Variants in PATJ observed in about 807,000 individuals in gnomAD.
PATJ encodes the protein PATJ crumbs cell polarity complex component, also known as inaD-like protein.
A neutral mutation model predicts 224.9 loss-of-function variants in PATJ; 190 were observed. The ratio of observed to expected loss-of-function variants is 0.84; its 90% CI spans 0.75 to 0.95. PATJ has a LOEUF of 0.95. PATJ is among the 40% of genes least tolerant of loss of function. The pLI, the probability that PATJ is intolerant of heterozygous loss-of-function variation, is 0.00. For synonymous variants in PATJ, 769 were observed against 820.3 expected, an observed-to-expected ratio of 0.94 and a Z score of 1.07; for missense variants, 2,121 against 2,270.3, an observed-to-expected ratio of 0.93 and a Z score of 1.34.
intron 25 of PATJ, among the ~76,000 whole-genome samples, 161 bp downstream of exon 25, chr1:61,908,643 C>A (rs1376556959): frequency 6.6e-6 from 1 of 151,974 alleles, no homozygotes; most frequent in Non-Finnish European, 1.5e-5. Context: ...TCCCTTTTTT[C>A]CCCTCCAGTT....
chr1:62,079,210 T>G (rs1214559556), intron 31 of PATJ, among the ~76,000 whole-genome samples: 2 of 152,154 alleles, frequency 1.3e-5, no homozygotes, highest in African/African-American at 4.8e-5. Flanking sequence ...TCTTCAGCTT[T>G]TATCTTTCCT....
intron 33 of PATJ, among the ~76,000 whole-genome samples, chr1:62,085,914 A>C (rs1659911115): frequency 6.6e-6 from 1 of 151,382 alleles, no homozygotes; most frequent in African/African-American, 2.4e-5. Flanking sequence ...ATCTACTCAT[A>C]ATTTTTTTTA....
At chr1:61,947,618 T>C (rs1678947044) in intron 27 of PATJ, among the ~76,000 whole-genome samples, 1 of 152,066 alleles carries the variant, frequency 6.6e-6, no homozygotes, top group Admixed American at 6.6e-5. Flanking sequence ...AGAATCAATA[T>C]CACGGAAATG....
chr1:61,783,796 G>C (rs1258964785), intron 7 of PATJ, among the ~76,000 whole-genome samples: 1 of 131,586 alleles, frequency 7.6e-6, no homozygotes, highest in Non-Finnish European at 1.5e-5. Flanking sequence ...TGCTCAGGCT[G>C]GAGTGCAGTG....
At chr1:61,774,412 A>G (rs1570408809) in intron 6 of PATJ, among the ~76,000 whole-genome samples, 1 of 152,348 alleles carries the variant, frequency 6.6e-6, no homozygotes, top group East Asian at 1.9e-4. Context: ...CCTGCTAGTT[A>G]GAGGGGAAAC....
chr1:61,900,444 AAAATCTGCCCTCTGATTAAAG>A (rs1369848789), intron 23 of PATJ, among the ~76,000 whole-genome samples: 2 of 152,208 alleles, frequency 1.3e-5, no homozygotes, highest in Non-Finnish European at 2.9e-5. Flanking sequence ...AGGAGCAGGT[AAAATCTGCCCTCTGATTAAAG>A]AACCACAGAG....
intron 27 of PATJ, among the ~76,000 whole-genome samples, chr1:61,930,072 A>G (rs746139455): frequency 2.6e-5 from 4 of 152,168 alleles, no homozygotes; most frequent in Non-Finnish European, 4.4e-5. Flanking sequence ...GAGCTATAAT[A>G]TTATACATTT....
intron 31 of PATJ, among the ~76,000 whole-genome samples, chr1:62,065,936 G>A (rs368507509): frequency 1.3e-5 from 2 of 152,244 alleles, no homozygotes; most frequent in East Asian, 3.9e-4. Context: ...TGAAGTTTTC[G>A]GTTTTCTGGG....
chr1:61,883,851 T>A, intron 21 of PATJ, among the ~76,000 whole-genome samples: 1 of 78,848 alleles, frequency 1.3e-5, no homozygotes. Flanking sequence ...GTTTATTTGT[T>A]ATTCTGTGGA....
intron 39 of PATJ, among the ~76,000 whole-genome samples, chr1:62,124,122 G>A (rs895021788): frequency 2.6e-5 from 4 of 151,656 alleles, no homozygotes; most frequent in Admixed American, 2.6e-4. Context: ...TCACCGTGTT[G>A]CCCAGGCTGG....
chr1:61,928,397 G>A (rs1675542519), intron 27 of PATJ, among the ~76,000 whole-genome samples: 1 of 152,170 alleles, frequency 6.6e-6, no homozygotes, highest in Non-Finnish European at 1.5e-5. Context: ...TCTTTTGGAG[G>A]TGATGAAATG....
At chr1:62,049,423 T>G (rs921254479) in intron 30 of PATJ, among the ~76,000 whole-genome samples, 1 of 152,214 alleles carries the variant, frequency 6.6e-6, no homozygotes, top group African/African-American at 2.4e-5. Context: ...AATGCTCTCT[T>G]TGCTTTAATT....
intron 27 of PATJ, among the ~76,000 whole-genome samples, chr1:61,930,653 G>T (rs1046613838): frequency 1.3e-5 from 2 of 152,114 alleles, no homozygotes; most frequent in African/African-American, 4.8e-5. Flanking sequence ...GCTCACTGAA[G>T]CCTCAGTTTC....
chr1:61,751,500 G>C (rs916052017), intron 1 of PATJ, among the ~76,000 whole-genome samples: 1 of 151,976 alleles, frequency 6.6e-6, no homozygotes, highest in East Asian at 1.9e-4. Context: ...ATTGTTGCTC[G>C]TTGGAGAAAA....
At chr1:62,022,631 C>T (rs546841660) in intron 29 of PATJ, among the ~76,000 whole-genome samples, 35 of 152,308 alleles carry the variant, frequency 2.3e-4, no homozygotes, top group African/African-American at 5.3e-4. Context: ...CAGCTCTTGT[C>T]GTACCTTCCC....
intron 26 of PATJ, among the ~76,000 whole-genome samples, chr1:61,921,492 C>T (rs1440559027): frequency 6.6e-6 from 1 of 152,086 alleles, no homozygotes; most frequent in Non-Finnish European, 1.5e-5. Flanking sequence ...TTATTGCTTG[C>T]AGAGGTGTTT....
At chr1:61,833,847 A>T in intron 17 of PATJ, 62 bp downstream of exon 17, 1 of 1,486,990 alleles carries the variant, frequency 6.7e-7, no homozygotes, top group South Asian at 1.3e-5. Flanking sequence ...AAGTTATGGG[A>T]AGTAGCAATT....
chr1:61,842,356 G>C (rs116579743), intron 17 of PATJ, among the ~76,000 whole-genome samples: 2 of 152,178 alleles, frequency 1.3e-5, no homozygotes, highest in Non-Finnish European at 2.9e-5. Flanking sequence ...TCTGGAATAC[G>C]AATGTGGCAA....
At chr1:61,895,976 T>C (rs1670308800) in intron 22 of PATJ, among the ~76,000 whole-genome samples, 1 of 151,976 alleles carries the variant, frequency 6.6e-6, no homozygotes, top group Non-Finnish European at 1.5e-5. Flanking sequence ...AGACATGGAG[T>C]CAAGGGAGAT....
Sources: allele counts gnomAD v4.1 joint callset (sites outside exome capture counted in the v4.1 genomes callset), GRCh38; gene constraint gnomAD v4.1.1; transcripts MANE v1.5; gene names NCBI Gene and HGNC (gene_info 2026-07-23, HGNC 2026-07-21).